Variants in PKHD1L1 observed in about 807,000 individuals in gnomAD.
PKHD1L1 encodes fibrocystin-L.
PKHD1L1 carries 434 observed loss-of-function variants against 462.9 expected under a neutral mutation model. The ratio of observed to expected loss-of-function variants is 0.94; its 90% confidence interval spans 0.87 to 1.02. The LOEUF is 1.02. Ranked by LOEUF, PKHD1L1 falls within the 50% of genes least tolerant of loss-of-function variation. The pLI, the probability that PKHD1L1 is intolerant of heterozygous loss-of-function variation, is 0.00. For synonymous variants in PKHD1L1, 1,781 were observed against 1,750.0 expected (o/e 1.02, Z -0.44); for missense variants, 5,202 against 5,096.1 (o/e 1.02, Z -0.63).
chr8:109,528,132 T>C (rs1820907676), intron 77 of PKHD1L1, among the ~76,000 whole-genome samples: 1 of 152,100 alleles, frequency 6.6e-6, no homozygotes, highest in South Asian at 2.1e-4. Flanking sequence ...TATCATTGCA[T>C]TAGCAACACA....
chr8:109,410,558 G>T (rs987826388), intron 19 of PKHD1L1, among the ~76,000 whole-genome samples: 11 of 151,910 alleles, frequency 7.2e-5, no homozygotes, highest in Non-Finnish European at 1.0e-4. Context: ...GCACCGATGG[G>T]ATGGTGCTAA....
At chr8:109,439,806 T>C (rs1362841060) in intron 32 of PKHD1L1, among the ~76,000 whole-genome samples, 2 of 152,132 alleles carry the variant, frequency 1.3e-5, no homozygotes, top group African/African-American at 4.8e-5. Context: ...TGAAATTTTA[T>C]GGATGCAAAA....
intron 4 of PKHD1L1, among the ~76,000 whole-genome samples, chr8:109,383,331 A>G (rs1289524702): frequency 9.1e-6 from 1 of 109,298 alleles, no homozygotes; most frequent in African/African-American, 3.7e-5. Context: ...AATTAATATT[A>G]TATATAATAT....
intron 32 of PKHD1L1, among the ~76,000 whole-genome samples, chr8:109,439,974 T>C (rs1410889889): frequency 1.3e-5 from 2 of 152,102 alleles, no homozygotes; most frequent in Admixed American, 1.3e-4. Context: ...TATTGGCTTA[T>C]GCTGTAGCTT....
At chr8:109,395,667 C>T (rs1300687871) in intron 10 of PKHD1L1, among the ~76,000 whole-genome samples, 1 of 152,084 alleles carries the variant, frequency 6.6e-6, no homozygotes, top group Non-Finnish European at 1.5e-5. Flanking sequence ...GAGGTTGGTC[C>T]ATAAACATAG....
intron 2 of PKHD1L1, among the ~76,000 whole-genome samples, chr8:109,365,061 A>G (rs1398611113): frequency 6.6e-6 from 1 of 152,242 alleles, no homozygotes; most frequent in Non-Finnish European, 1.5e-5. Flanking sequence ...AATAGAAAAC[A>G]AAACTTTAGA....
rs573610197 is a variant in PKHD1L1, at chr8:109,410,075, T to C, written c.2085+97T>C. Reference sequence around the variant, plus strand: ...TCTCTTCTGAAGTAGCATTAATAACTTTGTTATTCACAGTCAAATTGCAAA... The same window carrying C: ...TCTCTTCTGAAGTAGCATTAATAACCTTGTTATTCACAGTCAAATTGCAAA... On this transcript the variant is annotated intron_variant, in intron 19 of 77. Transcript: ENST00000378402. The C allele has an allele frequency of 5.6e-5, 38 of 678,798 alleles. No individual in the cohort carries two copies. In the South Asian group the frequency reaches 1.1e-3, roughly 19 times the overall value. 42.0% of individuals were successfully genotyped at this position (678,798 alleles called of 1,614,324 possible).
chr8:109,448,102 A>T (rs756147438), intron 38 of PKHD1L1, 41 bp from the exon 39 acceptor site: 3 of 1,505,896 alleles, frequency 2.0e-6, no homozygotes, highest in Admixed American at 4.3e-5. Context: ...GTGTATTAAT[A>T]GTTAGATATA....
At chr8:109,406,297 T>C in intron 16 of PKHD1L1, 38 bp from the exon 17 acceptor site, 6 of 1,518,896 alleles carry the variant, frequency 4.0e-6, no homozygotes, top group Non-Finnish European at 4.4e-6. Flanking sequence ...ATTTCAACTT[T>C]TCTGTTTGTT....
At chr8:109,364,460 C>T (rs1049130975) in intron 1 of PKHD1L1, 87 bp from the exon 2 acceptor site, 4 of 882,184 alleles carry the variant, frequency 4.5e-6, no homozygotes, top group Non-Finnish European at 7.1e-6. Flanking sequence ...GTTTTCCTTG[C>T]AACCTTGTGG....
intron 75 of PKHD1L1, 92 bp from the exon 76 acceptor site, chr8:109,523,141 G>A: frequency 2.4e-6 from 3 of 1,231,632 alleles, no homozygotes; most frequent in Non-Finnish European, 3.3e-6. Flanking sequence ...AATTTATAAT[G>A]AGGCATTTTT....
At chr8:109,452,342 C>A in intron 42 of PKHD1L1, 62 bp downstream of exon 42, 1 of 1,361,762 alleles carries the variant, frequency 7.3e-7, no homozygotes. Context: ...GGGAGGTGGG[C>A]TAATTGGTAA....
chr8:109,493,746 G>A lies in PKHD1L1; in HGVS notation c.10322G>A (p.Cys3441Tyr). 1 of 1,595,550 alleles carries A rather than the reference G, an allele frequency of 6.3e-7. No homozygotes were observed. The highest frequency in any genetic ancestry group is 8.5e-7 in the Non-Finnish European group (1 of 1,170,916). Residue 3441 changes from cysteine to tyrosine, a missense_variant, in exon 63 of 78, where the codon TGC becomes TAC. Around this residue, in one of 3 missense-constraint regions of PKHD1L1, gnomAD observed 4,497 missense variants for 4,336.8 expected, o/e 1.04. Coordinates refer to ENST00000378402, the MANE Select transcript of PKHD1L1 (RefSeq NM_177531.6). Reference protein sequence around the residue: ...RAGYRIDGEPCPGQFNPVEKW... With the variant: ...RAGYRIDGEPYPGQFNPVEKW... ...GGATACCGCATTGATGGTGAACCTT[G>A]CCCAGGTAAGTCTTTTAAACCAGGA...
chr8:109,526,430 G>T (rs1460610553), intron 76 of PKHD1L1, among the ~76,000 whole-genome samples: 2 of 152,082 alleles, frequency 1.3e-5, no homozygotes, highest in Admixed American at 1.3e-4. Context: ...AAGTACGAAG[G>T]GATGAAACTG....
chr8:109,363,457 T>C (rs1811081210), intron 1 of PKHD1L1, among the ~76,000 whole-genome samples: 1 of 152,202 alleles, frequency 6.6e-6, no homozygotes, highest in African/African-American at 2.4e-5. Flanking sequence ...AAGACAGAAC[T>C]GAACAAGCCA....
chr8:109,520,894 T>G (rs1381833666), intron 73 of PKHD1L1, among the ~76,000 whole-genome samples: 4 of 152,056 alleles, frequency 2.6e-5, no homozygotes, highest in Non-Finnish European at 5.9e-5. Context: ...CTGTTAACAG[T>G]GCAGACTGCA....
chr8:109,516,223 G>C (rs1210635728), intron 72 of PKHD1L1, among the ~76,000 whole-genome samples: 1 of 152,112 alleles, frequency 6.6e-6, no homozygotes, highest in Non-Finnish European at 1.5e-5. Context: ...AGTGGTCTTA[G>C]TTCAGTCTGC....
At chr8:109,482,584 A>G (rs957256377) in intron 56 of PKHD1L1, among the ~76,000 whole-genome samples, 1 of 151,780 alleles carries the variant, frequency 6.6e-6, no homozygotes, top group African/African-American at 2.4e-5. Flanking sequence ...TTCTTTTCTC[A>G]GTGAACATAT....
In PKHD1L1 at chr8:109,375,406, T is replaced by G. The variant is rs570076757; in HGVS notation, c.164-5964T>G. ...TTATTCTAGTTAGCCATTCGTCTAA[T>G]TTTTTTTCAAGGTTTTTAACTTCTT... On this transcript the variant is annotated intron_variant, in intron 2 of 77. Transcript: ENST00000378402. Among the ~76,000 whole-genome samples, 26 of 152,112 alleles carry G rather than the reference T, an allele frequency of 1.7e-4. No individual in the cohort carries two copies. In the South Asian group the frequency reaches 3.5e-3, roughly 21 times the overall value.
Sources: allele counts gnomAD v4.1 joint callset (sites outside exome capture counted in the v4.1 genomes callset), GRCh38; gene constraint gnomAD v4.1.1; regional missense constraint gnomAD v4.1.1; transcripts MANE v1.5; gene names NCBI Gene and HGNC (gene_info 2026-07-23, HGNC 2026-07-21).